Variants in SNTG1 observed in about 807,000 individuals in gnomAD.
The protein encoded by SNTG1 is gamma-1-syntrophin.
SNTG1 carries 39 observed loss-of-function variants against 74.7 expected under a neutral mutation model. The observed-to-expected ratio is 0.52, with a 90% CI of 0.40 to 0.68. The LOEUF (loss-of-function observed/expected upper bound fraction) is 0.68. Among genes scored for constraint, SNTG1 ranks in the 30% least tolerant of loss-of-function variants. The pLI is 0.00. For synonymous variants in SNTG1, 254 were observed against 217.1 expected (o/e 1.17, Z -1.49); for missense variants, 685 against 609.5 (o/e 1.12, Z -1.30).
chr8:50,652,771 T>C (rs2095155766), intron 13 of SNTG1, among the ~76,000 whole-genome samples: 1 of 152,072 alleles, frequency 6.6e-6, no homozygotes, highest in Admixed American at 6.6e-5. Flanking sequence ...TACTCCAGCC[T>C]GGATGACAGA....
intron 11 of SNTG1, among the ~76,000 whole-genome samples, chr8:50,546,647 CT>C (rs2130533942): frequency 6.6e-6 from 1 of 151,216 alleles, no homozygotes; most frequent in East Asian, 2.0e-4. Context: ...GATTTTTGTC[CT>C]TGTGGTAGTT....
intron 13 of SNTG1, chr8:50,644,356 C>T (rs2095093321): frequency 6.6e-6 from 1 of 152,328 alleles, no homozygotes; most frequent in Admixed American, 6.6e-5. Context: ...GACAGCAAGA[C>T]AAATACCTCC....
intron 2 of SNTG1, among the ~76,000 whole-genome samples, chr8:50,235,538 TAC>T (rs1298467092): frequency 1.3e-5 from 2 of 152,184 alleles, no homozygotes; most frequent in African/African-American, 4.8e-5. Context: ...GAAAAAAATG[TAC>T]AGTGATCTGT....
chr8:50,265,073 A>G (rs2087395911), intron 2 of SNTG1, among the ~76,000 whole-genome samples: 1 of 152,158 alleles, frequency 6.6e-6, no homozygotes, highest in African/African-American at 2.4e-5. Flanking sequence ...ATTTACATAA[A>G]TGTTTTACAT....
At chr8:50,214,596 T>C (rs1361722671) in intron 2 of SNTG1, among the ~76,000 whole-genome samples, 1 of 152,084 alleles carries the variant, frequency 6.6e-6, no homozygotes, top group African/African-American at 2.4e-5. Context: ...AGAAAATACA[T>C]TTCGTGCACT....
chr8:50,173,294 G>A (rs11995916), intron 2 of SNTG1, among the ~76,000 whole-genome samples: 1 of 152,308 alleles, frequency 6.6e-6, no homozygotes, highest in Non-Finnish European at 1.5e-5. Context: ...GTTGGAAGGA[G>A]GTGAACGTGG....
chr8:50,549,969 C>T (rs984489487), intron 11 of SNTG1, among the ~76,000 whole-genome samples: 2 of 152,036 alleles, frequency 1.3e-5, no homozygotes, highest in African/African-American at 2.4e-5. Context: ...GTGAAAGTAC[C>T]GGGATCCACC....
At chr8:49,943,991 A>C (rs966672369) in intron 1 of SNTG1, among the ~76,000 whole-genome samples, 2 of 152,356 alleles carry the variant, frequency 1.3e-5, no homozygotes, top group Admixed American at 1.3e-4. Context: ...TGGTTACAAT[A>C]TGAATGTAGA....
At chr8:50,431,971 T>C (rs576219178) in intron 4 of SNTG1, among the ~76,000 whole-genome samples, 2 of 152,326 alleles carry the variant, frequency 1.3e-5, no homozygotes, top group East Asian at 3.9e-4. Context: ...CTCTAGTCCA[T>C]AGCTTGTCTT....
chr8:50,230,773 A>T (rs2085577874), intron 2 of SNTG1, among the ~76,000 whole-genome samples: 1 of 151,332 alleles, frequency 6.6e-6, no homozygotes, highest in Admixed American at 6.6e-5. Context: ...ACTCAAACAT[A>T]AGACTGGACA....
In SNTG1 at chr8:50,450,879, T is replaced by A. The variant is rs551433545; in HGVS notation, c.363+150T>A. On this transcript the variant is annotated intron_variant, in intron 8 of 18. Transcript: ENST00000642720. ...TTCAAATGTTCTCTTAATTTTTTTT[T>A]AAATTAGAAATAGATTAACGAGTCC... 6.5e-5 allele frequency: 50 copies of A among 764,422 alleles called. No individual in the cohort carries two copies. In the African/African-American group the frequency reaches 7.4e-4, roughly 11 times the overall value. The allele number at this position is 764,422 out of a possible 1,614,324, so 47.4% of individuals were successfully genotyped here.
At chr8:50,585,007 G>A (rs1353365747) in intron 12 of SNTG1, among the ~76,000 whole-genome samples, 1 of 152,030 alleles carries the variant, frequency 6.6e-6, no homozygotes, top group South Asian at 2.1e-4. Context: ...GGGAAGAAGG[G>A]GCAGGCATTG....
At chr8:49,973,078 G>A (rs1020461842) in intron 1 of SNTG1, among the ~76,000 whole-genome samples, 26 of 151,992 alleles carry the variant, frequency 1.7e-4, no homozygotes, top group Non-Finnish European at 2.5e-4. Flanking sequence ...TGTTTATTGC[G>A]GCACTATTCA....
chr8:50,548,581 G>C (rs1465713499), intron 11 of SNTG1, among the ~76,000 whole-genome samples: 1 of 152,058 alleles, frequency 6.6e-6, no homozygotes, highest in East Asian at 1.9e-4. Flanking sequence ...GCTATGAGAG[G>C]TATAAAATAG....
At chr8:50,085,601 C>T (rs986661217) in intron 1 of SNTG1, among the ~76,000 whole-genome samples, 6 of 152,294 alleles carry the variant, frequency 3.9e-5, no homozygotes, top group African/African-American at 1.4e-4. Context: ...AGGCTGGTCT[C>T]CTCATTGTCA....
intron 18 of SNTG1, among the ~76,000 whole-genome samples, chr8:50,781,001 T>C (rs1161233867): frequency 6.6e-6 from 1 of 152,202 alleles, no homozygotes; most frequent in East Asian, 1.9e-4. Flanking sequence ...AGTCTCCATG[T>C]AGTTGAGCGG....
At chr8:50,619,344 ATT>A (rs1443058471) in intron 13 of SNTG1, among the ~76,000 whole-genome samples, 1 of 152,076 alleles carries the variant, frequency 6.6e-6, no homozygotes, top group Non-Finnish European at 1.5e-5. Flanking sequence ...TTAAGTACCT[ATT>A]TATCTGCTTT....
intron 11 of SNTG1, among the ~76,000 whole-genome samples, chr8:50,539,737 A>G (rs2094333123): frequency 6.6e-6 from 1 of 152,168 alleles, no homozygotes; most frequent in Admixed American, 6.5e-5. Flanking sequence ...GGGAAATTGG[A>G]GCCTGCTTCT....
At chr8:50,312,197 G>C (rs1438414061) in intron 2 of SNTG1, among the ~76,000 whole-genome samples, 12 of 152,090 alleles carry the variant, frequency 7.9e-5, no homozygotes, top group Admixed American at 6.6e-4. Flanking sequence ...AAAGCTATTA[G>C]AGTGAATATT....
Sources: gnomAD v4.1 joint callset for allele counts (sites outside exome capture counted in the v4.1 genomes callset) on GRCh38, gnomAD v4.1.1 for gene constraint, MANE v1.5 for transcripts, NCBI Gene and HGNC (gene_info 2026-07-23, HGNC 2026-07-21) for gene names.